The following ZNF234 variants were observed in gnomAD, a reference collection of about 807,000 sequenced individuals.
The protein encoded by ZNF234 is zinc finger protein 234, also known as C2-H2 type zinc finger protein.
A neutral mutation model predicts 10.3 loss-of-function variants in ZNF234; 4 were observed. The ratio of observed to expected loss-of-function variants is 0.39; its 90% CI spans 0.19 to 0.89. ZNF234 has a LOEUF of 0.89. Among genes scored for constraint, ZNF234 ranks in the 40% least tolerant of loss-of-function variants. ZNF234 has a pLI of 0.38. For synonymous variants in ZNF234, 258 were observed against 280.1 expected (o/e 0.92, Z 0.79); for missense variants, 711 against 836.1 (o/e 0.85, Z 1.85).
At chr19:44,150,354 G>A (rs1968707610) in intron 4 of ZNF234, 59 bp from the exon 5 acceptor site, 1 of 1,384,710 alleles carries the variant, frequency 7.2e-7, no homozygotes, top group South Asian at 1.4e-5. Flanking sequence ...CAAATTGCCA[G>A]TAAGTTCAGT....
intron 5 of ZNF234, among the ~76,000 whole-genome samples, chr19:44,153,165 C>CATATATCTATATATATAT (rs1968787381): frequency 1.0e-5 from 1 of 97,890 alleles, no homozygotes; most frequent in South Asian, 3.3e-4. Flanking sequence ...ATGTATTCAT[C>CATATATCTATATATATAT]ATATATATAT....
intron 5 of ZNF234, among the ~76,000 whole-genome samples, chr19:44,155,130 G>A (rs1031566854): frequency 6.6e-6 from 1 of 152,024 alleles, no homozygotes; most frequent in African/African-American, 2.4e-5. Flanking sequence ...CTTTCAGAAG[G>A]GTTTAAACAT....
chr19:44,157,925 T>C lies in ZNF234; in HGVS notation c.1909T>C (p.Ser637Pro). The C allele has an allele frequency of 2.5e-6, 4 of 1,614,132 alleles. No individual in the cohort carries two copies. Among genetic ancestry groups the C allele is most frequent in the Non-Finnish European group, 3.4e-6 (4 of 1,180,004 alleles). ...ATGTGGTAAAGTCTTCAGTCGGTCT[T>C]CACAATTACAGTATCATAGGCGAGT... ...DVCGKVFSRS[S>P]QLQYHRRVHT... Residue 637 changes from serine to proline, a missense_variant, in exon 6 of 6, where the codon TCA becomes CCA. Ser to Pro is a moderately conservative substitution (Grantham distance 74). Transcript: ENST00000426739.
At chr19:44,142,177 G>A (rs1294891849) in intron 1 of ZNF234, 137 bp from the exon 2 acceptor site, 1 of 152,214 alleles carries the variant, frequency 6.6e-6, no homozygotes, top group Non-Finnish European at 1.5e-5. Flanking sequence ...GCAGGACGCT[G>A]GACGATCCCG....
chr19:44,150,976 G>C (rs1293677699), intron 5 of ZNF234, among the ~76,000 whole-genome samples: 1 of 151,396 alleles, frequency 6.6e-6, no homozygotes, highest in African/African-American at 2.4e-5. Context: ...AGGTTGCAGT[G>C]AGCCAAGATC....
At position 44,156,508 on chromosome 19, in the gene ZNF234, T is replaced by A; in HGVS notation, c.492T>A (p.Asp164Glu). The change falls in exon 6 of 6, where the codon GAT becomes GAA. Residue 164 changes from aspartate to glutamate, a missense_variant. Transcript: ENST00000426739. ...CCTTCACTGATGTCTTCAACTTTGA[T>A]CTTCATCAACAGTTACACTCAGGAG... ...KKSFTDVFNFDLHQQLHSGEK... is the reference protein window; with the variant it reads ...KKSFTDVFNFELHQQLHSGEK... 6.2e-7 allele frequency: 1 copy of A among 1,614,242 alleles called. No individual in the cohort carries two copies. The highest frequency in any genetic ancestry group is 8.5e-7 in the Non-Finnish European group (1 of 1,180,032).
At position 44,150,454 on chromosome 19, in the gene ZNF234, G is replaced by GA. The variant is rs1167979118; in HGVS notation, c.191dup (p.Leu65AlafsTer2). On this transcript the variant is annotated frameshift_variant, in exon 5 of 6. Transcript: ENST00000426739. LOFTEE classifies it low-confidence loss of function (END_TRUNC). ...ACATGATGTATTCCTTTTAGAAAAG[G>GA]AAAAAAAGCTTGATATAATGAAGAC... The GA allele has an allele frequency of 1.9e-6, 3 of 1,589,222 alleles. No individual in the cohort carries two copies. The highest frequency in any genetic ancestry group is 2.6e-6 in the Non-Finnish European group (3 of 1,167,280).
intron 3 of ZNF234, among the ~76,000 whole-genome samples, chr19:44,146,340 A>G (rs1214987651): frequency 6.6e-6 from 1 of 152,226 alleles, no homozygotes; most frequent in Non-Finnish European, 1.5e-5. Flanking sequence ...TATACCCAGT[A>G]ATGAGATGGC....
At position 44,150,403 on chromosome 19, in the gene ZNF234, C is replaced by T. The variant is rs773334510; in HGVS notation, c.143-10C>T. 17 of 1,563,784 alleles carry T rather than the reference C, an allele frequency of 1.1e-5. No homozygotes were observed. The African/African-American group carries it at 1.4e-4, about 13-fold the overall frequency. ...TGTTTGTTTTAAATATGTGACTTTG[C>T]GTGTTCTAGGGCATCACCCCTTCAA... On this transcript the variant is annotated splice_polypyrimidine_tract_variant and intron_variant, in intron 4 of 5. Coordinates refer to ENST00000426739, the MANE Select transcript of ZNF234 (RefSeq NM_006630.3).
Position 44,144,511 on chromosome 19 carries a change from G to A in ZNF234, c.-76-46G>A, listed in dbSNP as rs974257992. The A allele has an allele frequency of 1.0e-5, 8 of 777,334 alleles. No homozygotes were observed. The Admixed American group carries it at 2.1e-4, about 20-fold the overall frequency. 48.2% of individuals were successfully genotyped at this position (777,334 alleles called of 1,614,324 possible). ...CACAGTACACATCTGTGTTGGTGGGGACATCCCTGGCCACGCTTTCATGTC... is the reference window on the plus strand; with the variant it reads ...CACAGTACACATCTGTGTTGGTGGGAACATCCCTGGCCACGCTTTCATGTC... On this transcript the variant is annotated intron_variant, in intron 2 of 5. Transcript: ENST00000426739.
intron 3 of ZNF234, among the ~76,000 whole-genome samples, chr19:44,147,464 C>T (rs770585868): frequency 6.6e-6 from 1 of 151,896 alleles, no homozygotes; most frequent in African/African-American, 2.4e-5. Flanking sequence ...TCTTGAACTC[C>T]TGGGCTCAAG....
chr19:44,159,704 G>C lies in ZNF234; in HGVS notation c.*1585G>C. On this transcript the variant is annotated 3_prime_UTR_variant, in exon 6 of 6. Transcript: ENST00000426739. Reference sequence around the variant, plus strand: ...CTTTCCACATTTCCATCCAGACTTTGACATGATTGCCGTCTAATAACTGTA... The same window carrying C: ...CTTTCCACATTTCCATCCAGACTTTCACATGATTGCCGTCTAATAACTGTA... The C allele has an allele frequency of 2.4e-6, 1 of 422,176 alleles. No homozygotes were observed. Among genetic ancestry groups the C allele is most frequent in the South Asian group, 1.6e-5 (1 of 62,052 alleles). The allele number at this position is 422,176 out of a possible 1,614,324, so 26.2% of individuals were successfully genotyped here. A position where few individuals can be genotyped will look rare whatever the true frequency, so the allele number is the denominator to read the frequency against.
chr19:44,159,149 T>G lies in ZNF234; in HGVS notation c.*1030T>G, dbSNP rs1373918164. On this transcript the variant is annotated 3_prime_UTR_variant, in exon 6 of 6. Coordinates refer to ENST00000426739, the MANE Select transcript of ZNF234 (RefSeq NM_006630.3). ...GAGAGCCTGTCTAGTTTCCCAAAGG[T>G]TTTATAAAACATAAGTTGAAGTACC... 3 of 152,358 alleles carry G rather than the reference T, an allele frequency of 2.0e-5. No homozygotes were observed. Among genetic ancestry groups the G allele is most frequent in the Middle Eastern group, 3.4e-3 (1 of 294 alleles). 9.4% of individuals were successfully genotyped at this position (152,358 alleles called of 1,614,324 possible).
intron 3 of ZNF234, among the ~76,000 whole-genome samples, chr19:44,145,232 A>G (rs1028086306): frequency 6.6e-5 from 10 of 152,024 alleles, no homozygotes; most frequent in Non-Finnish European, 1.2e-4. Context: ...GGTATTCATG[A>G]TATATATCTC....
intron 2 of ZNF234, 57 bp from the exon 3 acceptor site, chr19:44,144,500 G>A (rs1384771010): frequency 3.0e-6 from 2 of 658,798 alleles, no homozygotes; most frequent in Non-Finnish European, 4.8e-6. Context: ...GTACACATCT[G>A]TGTTGGTGGG....
chr19:44,143,099 A>T (rs12608984), intron 2 of ZNF234, among the ~76,000 whole-genome samples: 9 of 150,178 alleles, frequency 6.0e-5, no homozygotes, highest in African/African-American at 1.8e-4. Flanking sequence ...CTGATTTTTT[A>T]AAAAAACTTT....
chr19:44,145,447 T>C (rs1203226451), intron 3 of ZNF234, among the ~76,000 whole-genome samples: 1 of 152,218 alleles, frequency 6.6e-6, no homozygotes, highest in Non-Finnish European at 1.5e-5. Flanking sequence ...TTCTGAAAAC[T>C]TTCTGCTGAT....
chr19:44,156,507 A>C lies in ZNF234; in HGVS notation c.491A>C (p.Asp164Ala). 1 of 1,614,232 alleles carries C rather than the reference A, an allele frequency of 6.2e-7. No homozygotes were observed. Among genetic ancestry groups the C allele is most frequent in the Non-Finnish European group, 8.5e-7 (1 of 1,180,020 alleles). Residue 164 changes from aspartate (D) to alanine (A), a missense_variant, in exon 6 of 6, where the codon GAT (aspartate) becomes GCT (alanine). Coordinates refer to ENST00000426739, the MANE Select transcript of ZNF234 (RefSeq NM_006630.3). ...KKSFTDVFNFDLHQQLHSGEK... is the reference protein window; with the variant it reads ...KKSFTDVFNFALHQQLHSGEK... ...TCCTTCACTGATGTCTTCAACTTTG[A>C]TCTTCATCAACAGTTACACTCAGGA...
intron 5 of ZNF234, among the ~76,000 whole-genome samples, chr19:44,151,444 G>A (rs949348879): frequency 1.3e-5 from 2 of 152,132 alleles, no homozygotes; most frequent in African/African-American, 4.8e-5. Flanking sequence ...TGACCCGCCT[G>A]CCTCAGCCTC....
Sources: gnomAD v4.1 joint callset for allele counts (sites outside exome capture counted in the v4.1 genomes callset) on GRCh38, gnomAD v4.1.1 for gene constraint, MANE v1.5 for transcripts, NCBI Gene and HGNC (gene_info 2026-07-23, HGNC 2026-07-21) for gene names.